NTN1: variants seen among roughly 807,000 people sequenced by gnomAD.
The protein encoded by NTN1 is netrin-1.
In NTN1, 11 loss-of-function variants were observed where a neutral mutation model predicts 54.2. The observed-to-expected ratio is 0.20, with a 90% CI of 0.13 to 0.34. The LOEUF is 0.34. NTN1 is among the 10% of genes least tolerant of loss of function. The pLI is 1.00. For missense variants in NTN1, 740 were observed against 893.1 expected (o/e 0.83, Z 2.18); for synonymous variants, 371 against 382.0 (o/e 0.97, Z 0.33).
At chr17:9,230,016 G>T (rs1316528261) in intron 6 of NTN1, among the ~76,000 whole-genome samples, 2 of 152,026 alleles carry the variant, frequency 1.3e-5, no homozygotes, top group Non-Finnish European at 2.9e-5. Flanking sequence ...CCCGCCTCTT[G>T]TCTCCAGCTA....
intron 3 of NTN1, among the ~76,000 whole-genome samples, 173 bp from the exon 4 acceptor site, chr17:9,179,634 G>C (rs959122581): frequency 6.6e-6 from 1 of 152,172 alleles, no homozygotes; most frequent in African/African-American, 2.4e-5. Context: ...AGGTAGGTGG[G>C]TGGCCAGTGT....
chr17:9,041,381 T>C (rs756560313), intron 2 of NTN1, among the ~76,000 whole-genome samples: 1 of 152,220 alleles, frequency 6.6e-6, no homozygotes, highest in Non-Finnish European at 1.5e-5. Context: ...ACACCCTAAG[T>C]AGGCTTTTGA....
At chr17:9,081,158 T>C (rs1195090951) in intron 2 of NTN1, among the ~76,000 whole-genome samples, 1 of 152,182 alleles carries the variant, frequency 6.6e-6, no homozygotes, top group African/African-American at 2.4e-5. Flanking sequence ...TCCAGATACA[T>C]AGTGTCAGAA....
chr17:9,011,458 C>T, the NTN1 span, among the ~76,000 whole-genome samples: 1 of 152,208 alleles, frequency 6.6e-6, no homozygotes, highest in Non-Finnish European at 1.5e-5. Flanking sequence ...ACTATGATTA[C>T]ATTTAGAGTC....
At chr17:9,070,560 C>T (rs1283119855) in intron 2 of NTN1, among the ~76,000 whole-genome samples, 1 of 151,820 alleles carries the variant, frequency 6.6e-6, no homozygotes, top group South Asian at 2.1e-4. Flanking sequence ...GTGCTGTTGC[C>T]ACTCATCTAA....
chr17:9,128,963 T>C (rs1052081139), intron 2 of NTN1, among the ~76,000 whole-genome samples: 3 of 152,164 alleles, frequency 2.0e-5, no homozygotes, highest in Non-Finnish European at 2.9e-5. Context: ...TGCAGCTCTT[T>C]CCCCAATGCT....
rs1401613787 is a variant in NTN1 at position 9,162,969 on chromosome 17, G to A, written c.1175G>A (p.Gly392Asp). The change falls in exon 3 of 7, where the codon GGC becomes GAC. Residue 392 changes from glycine (G) to aspartate (D), a missense_variant. Gly to Asp is a moderately conservative substitution (Grantham distance 94). Transcript: ENST00000173229. ...YCKEGYYRDM[G>D]KPITHRKACK... Reference sequence around the variant, plus strand: ...AAGGAGGGCTACTACCGCGACATGGGCAAGCCCATCACCCACCGGAAGGCC... The same window carrying A: ...AAGGAGGGCTACTACCGCGACATGGACAAGCCCATCACCCACCGGAAGGCC... The A allele has an allele frequency of 6.2e-7, 1 of 1,612,820 alleles. No homozygotes were observed. Among genetic ancestry groups the A allele is most frequent in the South Asian group, 1.1e-5 (1 of 90,862 alleles).
intron 3 of NTN1, among the ~76,000 whole-genome samples, chr17:9,168,680 G>C (rs2092379533): frequency 6.6e-6 from 1 of 152,190 alleles, no homozygotes; most frequent in Non-Finnish European, 1.5e-5. Flanking sequence ...GATCATTTGT[G>C]GATTTATTCA....
chr17:9,099,481 CTT>C (rs927652124), intron 2 of NTN1, among the ~76,000 whole-genome samples: 1 of 152,092 alleles, frequency 6.6e-6, no homozygotes, highest in Non-Finnish European at 1.5e-5. Context: ...TTGTTAGAAA[CTT>C]CAGCTATTTC....
At chr17:9,163,061 C>T (rs1381803268) in intron 3 of NTN1, 60 bp downstream of exon 3, 26 of 1,487,056 alleles carry the variant, frequency 1.7e-5, no homozygotes, top group Non-Finnish European at 2.1e-5. Context: ...AGTCCTCCCG[C>T]TCCCTCCTCG....
Position 9,186,795 on chromosome 17 carries a change from G to A in NTN1, c.1411+3826G>A, listed in dbSNP as rs376242331. On this transcript the variant is annotated intron_variant, in intron 5 of 6. Coordinates refer to ENST00000173229, the MANE Select transcript of NTN1 (RefSeq NM_004822.3). ...TTTCACGGAAGGAAGTTGGGTTTAT[G>A]TAGACCTGCAGCCTGGATAAGCATG... Among the ~76,000 whole-genome samples, 3 of 152,348 alleles carry A rather than the reference G, an allele frequency of 2.0e-5. 1 individual carries two copies. Among genetic ancestry groups the A allele is most frequent in the African/African-American group, 7.2e-5 (3 of 41,576 alleles).
rs1375719218 is a variant in NTN1, at chr17:9,239,586, C to T, written c.1487-54C>T. 27 of 1,548,536 alleles carry T rather than the reference C, an allele frequency of 1.7e-5. No individual in the cohort carries two copies. The highest frequency in any genetic ancestry group is 2.3e-5 in the East Asian group (1 of 44,138). On this transcript the variant is annotated intron_variant, in intron 6 of 6. Transcript: ENST00000173229. The surrounding 1 kb of genome is among the most constrained non-coding windows in gnomAD (Gnocchi z 5.2). ...CCCTTCTCCCCAGGCTCAGGCAGGGCGGACCTAGCCACAGCAGCTGGGAGC... is the reference window on the plus strand; with the variant it reads ...CCCTTCTCCCCAGGCTCAGGCAGGGTGGACCTAGCCACAGCAGCTGGGAGC...
At chr17:9,202,873 T>C (rs1033988820) in intron 5 of NTN1, among the ~76,000 whole-genome samples, 3 of 152,228 alleles carry the variant, frequency 2.0e-5, no homozygotes, top group Admixed American at 1.3e-4. Context: ...TATTGCGATA[T>C]TCTGCGTCTG....
At chr17:9,197,427 G>T (rs1904666636) in intron 5 of NTN1, among the ~76,000 whole-genome samples, 1 of 152,158 alleles carries the variant, frequency 6.6e-6, no homozygotes, top group African/African-American at 2.4e-5. Flanking sequence ...GGGAGGCCAA[G>T]GTGGGCAGAT....
At chr17:9,136,034 C>A (rs191592586) in intron 2 of NTN1, among the ~76,000 whole-genome samples, 1 of 152,216 alleles carries the variant, frequency 6.6e-6, no homozygotes, top group South Asian at 2.1e-4. Context: ...TTCCTCGTGT[C>A]CCCCTGGTGC....
At chr17:9,013,837 C>T in the NTN1 span, among the ~76,000 whole-genome samples, 1 of 152,178 alleles carries the variant, frequency 6.6e-6, no homozygotes, top group African/African-American at 2.4e-5. Context: ...TTCCTCAAGG[C>T]CTGTCTTCCA....
intron 6 of NTN1, among the ~76,000 whole-genome samples, chr17:9,225,563 C>T (rs1410235903): frequency 6.6e-6 from 1 of 152,204 alleles, no homozygotes; most frequent in Non-Finnish European, 1.5e-5. Context: ...TCCCATGTGT[C>T]CTGTGTTGGG....
At chr17:9,119,176 ATTATTTAT>A (rs555594264) in intron 2 of NTN1, among the ~76,000 whole-genome samples, 3 of 150,036 alleles carry the variant, frequency 2.0e-5, no homozygotes, top group Admixed American at 6.6e-5. Context: ...TTAAAAATGT[ATTATTTAT>A]TTATTTATTT....
Position 9,221,426 on chromosome 17 carries a change from A to AC in NTN1, c.1486+185dup, listed in dbSNP as rs1011899690. 6.6e-6 allele frequency among the ~76,000 whole-genome samples: 1 copy of AC among 152,120 alleles called. No homozygotes were observed. The highest frequency in any genetic ancestry group is 2.4e-5 in the African/African-American group (1 of 41,416). ...ATCTTTTCCTCCTTGGCCCTCAGAG[A>AC]CGGGGGCATGAGGAGCCCAGTGGCC... is the stretch of plus-strand genomic sequence containing the variant. On this transcript the variant is annotated intron_variant, in intron 6 of 6. Transcript: ENST00000173229. The surrounding 1 kb of genome is among the most constrained non-coding windows in gnomAD (Gnocchi z 4.5).
Sources: gnomAD v4.1 joint callset for allele counts (sites outside exome capture counted in the v4.1 genomes callset) on GRCh38, gnomAD v4.1.1 for gene constraint, Gnocchi (gnomAD v3.1) non-coding constraint, MANE v1.5 for transcripts, NCBI Gene and HGNC (gene_info 2026-07-23, HGNC 2026-07-21) for gene names.